Variants in KIAA1549L observed in about 807,000 individuals in gnomAD.
KIAA1549L encodes KIAA1549 like, also known as UPF0606 protein KIAA1549L.
A neutral mutation model predicts 160.7 loss-of-function variants in KIAA1549L; 88 were observed. The ratio of observed to expected loss-of-function variants is 0.55; its 90% confidence interval spans 0.46 to 0.65. The LOEUF (loss-of-function observed/expected upper bound fraction) is 0.65, where lower values mean the gene tolerates loss of function less well. Among genes scored for constraint, KIAA1549L ranks in the 30% least tolerant of loss-of-function variants. The pLI, the probability that KIAA1549L is intolerant of heterozygous loss-of-function variation, is 0.00. For missense variants in KIAA1549L, 2,258 were observed against 2,437.5 expected, an observed-to-expected ratio of 0.93 and a Z score of 1.55; for synonymous variants, 950 against 976.7, an observed-to-expected ratio of 0.97 and a Z score of 0.51.
chr11:33,550,356 C>T (rs933598624), intron 4 of KIAA1549L, among the ~76,000 whole-genome samples: 1 of 148,480 alleles, frequency 6.7e-6, no homozygotes, highest in Non-Finnish European at 1.5e-5. Context: ...TAAAAAAAAA[C>T]CCTGAACTGT....
chr11:33,439,547 C>T (rs1246690155), intron 1 of KIAA1549L, among the ~76,000 whole-genome samples: 3 of 150,730 alleles, frequency 2.0e-5, no homozygotes, highest in Non-Finnish European at 4.4e-5. Context: ...GGACTACAGG[C>T]GCCCACCAGC....
chr11:33,578,523 G>A (rs1855530471), intron 10 of KIAA1549L, among the ~76,000 whole-genome samples: 1 of 152,150 alleles, frequency 6.6e-6, no homozygotes, highest in East Asian at 1.9e-4. Flanking sequence ...CTTCTACATT[G>A]TAATTAGAGT....
chr11:33,609,264 C>A (rs558493131), intron 14 of KIAA1549L, among the ~76,000 whole-genome samples: 1 of 152,348 alleles, frequency 6.6e-6, no homozygotes, highest in Non-Finnish European at 1.5e-5. Flanking sequence ...CAGCTGCTTC[C>A]CCTTCCACCC....
At chr11:33,521,466 G>C (rs569912136) in intron 1 of KIAA1549L, among the ~76,000 whole-genome samples, 1 of 152,220 alleles carries the variant, frequency 6.6e-6, no homozygotes, top group Admixed American at 6.5e-5. Context: ...AGTCTTAAAT[G>C]TGTTCACATT....
intron 1 of KIAA1549L, among the ~76,000 whole-genome samples, chr11:33,419,229 T>A (rs543858159): frequency 3.9e-5 from 6 of 152,294 alleles, no homozygotes; most frequent in African/African-American, 1.4e-4. Context: ...AGAAATAAAA[T>A]GGCTAACCAA....
chr11:33,552,037 T>C, intron 5 of KIAA1549L, 71 bp from the exon 6 acceptor site: 1 of 1,553,514 alleles, frequency 6.4e-7, no homozygotes. Context: ...TTTTATATTA[T>C]GACCACTGTT....
chr11:33,383,520 G>T (rs1229293739), intron 1 of KIAA1549L, among the ~76,000 whole-genome samples: 1 of 152,156 alleles, frequency 6.6e-6, no homozygotes, highest in East Asian at 1.9e-4. Flanking sequence ...GAGCTGGCAG[G>T]AAGGTGGCAA....
At chr11:33,452,309 T>C (rs1011904949) in intron 1 of KIAA1549L, among the ~76,000 whole-genome samples, 2 of 148,570 alleles carry the variant, frequency 1.3e-5, no homozygotes, top group African/African-American at 5.3e-5. Flanking sequence ...GTAATTGCCA[T>C]TAAAAGTAAT....
At chr11:33,424,758 T>C (rs1419244429) in intron 1 of KIAA1549L, among the ~76,000 whole-genome samples, 1 of 152,244 alleles carries the variant, frequency 6.6e-6, no homozygotes, top group Non-Finnish European at 1.5e-5. Flanking sequence ...AATGATGATC[T>C]TTGTTCAAGT....
intron 9 of KIAA1549L, among the ~76,000 whole-genome samples, chr11:33,570,162 C>T (rs1018248106): frequency 1.1e-4 from 17 of 152,042 alleles, no homozygotes; most frequent in Non-Finnish European, 2.1e-4. Flanking sequence ...CACTGCCATG[C>T]CTAGCTAGTT....
In KIAA1549L at chr11:33,669,957, T is replaced by A. The variant is rs989576040; in HGVS notation, c.*1803T>A. The stretch of plus-strand genomic sequence containing the variant: ...TTTTTGTAATTCCCGTGTGTATATA[T>A]GGTATATTTCTATCAATGGCCAGTT... On this transcript the variant is annotated 3_prime_UTR_variant, in exon 21 of 21. Transcript: ENST00000658780. 6.6e-6 allele frequency: 1 copy of A among 152,230 alleles called. No homozygotes were observed. The highest frequency in any genetic ancestry group is 2.4e-5 in the African/African-American group (1 of 41,460). 9.4% of individuals were successfully genotyped at this position (152,230 alleles called of 1,614,324 possible).
intron 13 of KIAA1549L, among the ~76,000 whole-genome samples, chr11:33,601,535 C>T (rs1163203337): frequency 6.6e-6 from 1 of 152,168 alleles, no homozygotes; most frequent in Non-Finnish European, 1.5e-5. Context: ...ATTTTCATCA[C>T]CTTGCCAGCT....
In KIAA1549L at chr11:33,528,289, C is replaced by A. The variant is rs955902081; in HGVS notation, c.239-13513C>A. ...AACCACAATGCAATACCACCTTACTCCTGCAAGAATGGCCATAATTAAAAA... is the reference window on the plus strand; with the variant it reads ...AACCACAATGCAATACCACCTTACTACTGCAAGAATGGCCATAATTAAAAA... On this transcript the variant is annotated intron_variant, in intron 1 of 20. Transcript: ENST00000658780. 1.1e-4 allele frequency among the ~76,000 whole-genome samples: 16 copies of A among 152,140 alleles called. 1 individual carries two copies. Among genetic ancestry groups the A allele is most frequent in the African/African-American group, 3.9e-4 (16 of 41,418 alleles).
chr11:33,624,094 G>A (rs1851031810), intron 16 of KIAA1549L, among the ~76,000 whole-genome samples: 1 of 152,128 alleles, frequency 6.6e-6, no homozygotes, highest in South Asian at 2.1e-4. Flanking sequence ...TTTTAAAGTT[G>A]GGCTATGGTA....
At chr11:33,384,382 A>T (rs1272361147) in intron 1 of KIAA1549L, among the ~76,000 whole-genome samples, 1 of 152,212 alleles carries the variant, frequency 6.6e-6, no homozygotes, top group Non-Finnish European at 1.5e-5. Flanking sequence ...GTTGATGGAC[A>T]TGTGGGTTGT....
At chr11:33,435,780 A>ATGTGTGTGTGTGTGTG (rs1307533670) in intron 1 of KIAA1549L, among the ~76,000 whole-genome samples, 932 of 18,310 alleles carry the variant, frequency 0.051, 41 homozygotes, top group Non-Finnish European at 0.061. Context: ...ATATATATAT[A>ATGTGTGTGTGTGTGTG]TATATATATA....
intron 1 of KIAA1549L, among the ~76,000 whole-genome samples, chr11:33,484,671 C>A (rs745862063): frequency 3.9e-5 from 6 of 152,136 alleles, no homozygotes; most frequent in Non-Finnish European, 8.8e-5. Flanking sequence ...TTAGCTGTAG[C>A]TATATTGTTA....
chr11:33,524,467 A>G (rs1159144001), intron 1 of KIAA1549L, among the ~76,000 whole-genome samples: 3 of 151,964 alleles, frequency 2.0e-5, no homozygotes, highest in Non-Finnish European at 4.4e-5. Flanking sequence ...ATAATGCATT[A>G]GTTCCAGCTT....
chr11:33,672,027 A>G lies in KIAA1549L; in HGVS notation c.*3873A>G, dbSNP rs1230104109. The G allele has an allele frequency of 6.6e-6, 1 of 152,218 alleles. No individual in the cohort carries two copies. Among genetic ancestry groups the G allele is most frequent in the Non-Finnish European group, 1.5e-5 (1 of 68,038 alleles). 9.4% of individuals were successfully genotyped at this position (152,218 alleles called of 1,614,324 possible). A position where few individuals can be genotyped will look rare whatever the true frequency, so the allele number is the denominator to read the frequency against. ...GTTCCAGGCAAGGAGTTTTGCAAGG[A>G]CTAGAAACCCTTTCACACTTGAAGT... On this transcript the variant is annotated 3_prime_UTR_variant, in exon 21 of 21. Transcript: ENST00000658780.
Sources: gnomAD v4.1 joint callset for allele counts (sites outside exome capture counted in the v4.1 genomes callset) on GRCh38, gnomAD v4.1.1 for gene constraint, MANE v1.5 for transcripts, NCBI Gene and HGNC (gene_info 2026-07-23, HGNC 2026-07-21) for gene names.